The following MARCHF10 variants were observed in gnomAD, a reference collection of about 807,000 sequenced individuals.
MARCHF10 encodes probable E3 ubiquitin-protein ligase MARCHF10.
A neutral mutation model predicts 76.2 loss-of-function variants in MARCHF10; 64 were observed. That is an observed-to-expected ratio of 0.84 (90% CI 0.69 to 1.03). The LOEUF is 1.03. Ranked by LOEUF, MARCHF10 falls within the 50% of genes least tolerant of loss-of-function variation. MARCHF10 has a pLI of 0.00. For missense variants in MARCHF10, 875 were observed against 958.0 expected (o/e 0.91, Z 1.14); for synonymous variants, 340 against 357.5 (o/e 0.95, Z 0.55).
chr17:62,805,902 CAAAAATAAAA>C (rs897590211), intron 1 of MARCHF10, among the ~76,000 whole-genome samples: 19 of 66,790 alleles, frequency 2.8e-4, no homozygotes, highest in African/African-American at 1.6e-3. Context: ...TCCATCCCCT[CAAAAATAAAA>C]AAAAATAATA....
intron 3 of MARCHF10, among the ~76,000 whole-genome samples, chr17:62,762,699 C>A (rs560211415): frequency 6.6e-6 from 1 of 152,268 alleles, no homozygotes; most frequent in South Asian, 2.1e-4. Flanking sequence ...GGCACACGCA[C>A]CATGCCTGGC....
intron 3 of MARCHF10, among the ~76,000 whole-genome samples, chr17:62,760,662 T>G (rs1205516011): frequency 6.6e-6 from 1 of 152,252 alleles, no homozygotes; most frequent in African/African-American, 2.4e-5. Context: ...AGCTTTATAC[T>G]TGGCCACACT....
chr17:62,742,386 T>C (rs1194579636), intron 5 of MARCHF10, among the ~76,000 whole-genome samples: 1 of 152,204 alleles, frequency 6.6e-6, no homozygotes, highest in Non-Finnish European at 1.5e-5. Flanking sequence ...TTCTGCATAT[T>C]ATCTCTGTCA....
In MARCHF10 at chr17:62,749,367, C is replaced by T. The variant is rs780903780; in HGVS notation, c.383-4839G>A. 1.4e-4 allele frequency among the ~76,000 whole-genome samples: 22 copies of T among 152,098 alleles called. 1 individual carries two copies. Among genetic ancestry groups the T allele is most frequent in the African/African-American group, 4.8e-4 (20 of 41,392 alleles). On this transcript the variant is annotated intron_variant, in intron 4 of 10. Coordinates refer to ENST00000311269, the MANE Select transcript of MARCHF10 (RefSeq NM_152598.4). Reference sequence around the variant, plus strand: ...GAAGCATAAAAGGGAAATACAGTTCCGGAACCCTTATCCCGCCCCACATTA... The same window carrying T: ...GAAGCATAAAAGGGAAATACAGTTCTGGAACCCTTATCCCGCCCCACATTA...
intron 2 of MARCHF10, among the ~76,000 whole-genome samples, chr17:62,800,991 T>C (rs1310780864): frequency 6.6e-6 from 1 of 152,216 alleles, no homozygotes; most frequent in Non-Finnish European, 1.5e-5. Context: ...AACTCTTTCA[T>C]GTTTTCTTTC....
At chr17:62,762,037 C>CAGT (rs1205586946) in intron 3 of MARCHF10, among the ~76,000 whole-genome samples, 1 of 152,130 alleles carries the variant, frequency 6.6e-6, no homozygotes, top group African/African-American at 2.4e-5. Flanking sequence ...GTGTCAGCAG[C>CAGT]AGTAGCAGCA....
chr17:62,702,893 T>C (rs947720480), intron 10 of MARCHF10, among the ~76,000 whole-genome samples: 5 of 152,006 alleles, frequency 3.3e-5, no homozygotes, highest in Non-Finnish European at 5.9e-5. Context: ...TTTGGGGAGG[T>C]GCTCTGGCCC....
chr17:62,702,930 C>T (rs1003466503), intron 10 of MARCHF10, among the ~76,000 whole-genome samples: 4 of 152,184 alleles, frequency 2.6e-5, no homozygotes, highest in Admixed American at 1.3e-4. Flanking sequence ...CCCTCACACC[C>T]GCCCCTGTTC....
At chr17:62,746,289 A>G (rs907942320) in intron 4 of MARCHF10, among the ~76,000 whole-genome samples, 4 of 152,168 alleles carry the variant, frequency 2.6e-5, no homozygotes, top group Non-Finnish European at 5.9e-5. Flanking sequence ...GTGGTGTCGG[A>G]GCAACTTGGG....
At chr17:62,800,459 T>C (rs1013930605) in intron 2 of MARCHF10, among the ~76,000 whole-genome samples, 6 of 152,172 alleles carry the variant, frequency 3.9e-5, no homozygotes, top group Admixed American at 3.9e-4. Context: ...CTCGTCTTCT[T>C]ATACGTGGGT....
intron 5 of MARCHF10, among the ~76,000 whole-genome samples, chr17:62,741,996 C>A (rs2091528247): frequency 6.7e-6 from 1 of 150,268 alleles, no homozygotes; most frequent in Non-Finnish European, 1.5e-5. Flanking sequence ...CCGCGCCCAG[C>A]CTGGAAACTG....
At chr17:62,749,929 A>AC (rs1389808488) in intron 4 of MARCHF10, 3 of 152,286 alleles carry the variant, frequency 2.0e-5, no homozygotes, top group Admixed American at 2.0e-4. Context: ...TCTGGGGGTG[A>AC]CATTGCACAG....
Position 62,736,917 on chromosome 17 carries a change from A to G in MARCHF10, c.951T>C (p.Ser317=). The change falls in exon 6 of 11, where the codon AGT becomes AGC. Residue 317 remains serine, a synonymous_variant. Transcript: ENST00000311269. ...GAGGGGTCGATGTCCCCCCAAATCT[A>G]CTTCTTTTGTGATGGGAAGGAGAAC... is the stretch of plus-strand genomic sequence containing the variant. ...SPCSPSHHKR[S]RFGGTSTPQA... The G allele has an allele frequency of 6.2e-7, 1 of 1,614,040 alleles. No individual in the cohort carries two copies. The highest frequency in any genetic ancestry group is 8.5e-7 in the Non-Finnish European group (1 of 1,179,996).
At chr17:62,804,932 G>T (rs762938087) in intron 1 of MARCHF10, 4 of 152,114 alleles carry the variant, frequency 2.6e-5, no homozygotes, top group Non-Finnish European at 4.4e-5. Context: ...GCATTCCCTC[G>T]CTCCTCCTGT....
chr17:62,703,261 C>T (rs1475147663), intron 10 of MARCHF10: 1 of 152,356 alleles, frequency 6.6e-6, no homozygotes, highest in Non-Finnish European at 1.5e-5. Flanking sequence ...GCCTCTTTTC[C>T]TCCTGTGTAC....
At chr17:62,702,134 C>G (rs1272118856) in intron 10 of MARCHF10, among the ~76,000 whole-genome samples, 2 of 152,014 alleles carry the variant, frequency 1.3e-5, no homozygotes, top group Admixed American at 1.3e-4. Flanking sequence ...GGGAACGGAC[C>G]CAGGTGTTTC....
At chr17:62,766,530 T>C (rs4968635) in intron 3 of MARCHF10, among the ~76,000 whole-genome samples, 75,194 of 151,610 alleles carry the variant, frequency 0.5, 20,157 homozygotes, top group East Asian at 0.7. Context: ...AAAAAGAACG[T>C]TAAAATGCGG....
At chr17:62,745,050 G>T (rs577728442) in intron 4 of MARCHF10, among the ~76,000 whole-genome samples, 2 of 149,066 alleles carry the variant, frequency 1.3e-5, no homozygotes, top group Non-Finnish European at 3.0e-5. Context: ...TGATGCCTGC[G>T]ATGCAGAGGC....
chr17:62,783,552 A>T (rs1274702241), intron 3 of MARCHF10, among the ~76,000 whole-genome samples: 2 of 152,216 alleles, frequency 1.3e-5, no homozygotes, highest in African/African-American at 4.8e-5. Flanking sequence ...AGACAGACAT[A>T]CAAAAAACCC....
Sources: allele counts gnomAD v4.1 joint callset (sites outside exome capture counted in the v4.1 genomes callset), GRCh38; gene constraint gnomAD v4.1.1; transcripts MANE v1.5; gene names NCBI Gene and HGNC (gene_info 2026-07-23, HGNC 2026-07-21).